JARID2: variants seen among roughly 807,000 people sequenced by gnomAD.
JARID2 encodes jumonji and AT-rich interaction domain containing 2, also known as protein Jumonji.
A neutral mutation model predicts 125.6 loss-of-function variants in JARID2; 21 were observed. The ratio of observed to expected loss-of-function variants is 0.17; its 90% CI spans 0.12 to 0.24. JARID2 has a LOEUF of 0.24. Among genes scored for constraint, JARID2 ranks in the 10% least tolerant of loss-of-function variants. JARID2 has a pLI of 1.00. For synonymous variants in JARID2, 736 were observed against 661.6 expected, an observed-to-expected ratio of 1.11 and a Z score of -1.73; for missense variants, 1,303 against 1,639.6, an observed-to-expected ratio of 0.79 and a Z score of 3.55.
At chr6:15,507,718 T>A (rs1193978332) in intron 11 of JARID2, among the ~76,000 whole-genome samples, 1 of 152,220 alleles carries the variant, frequency 6.6e-6, no homozygotes, top group African/African-American at 2.4e-5. Flanking sequence ...TCCTTAAGGC[T>A]ACTGCAGGCT....
chr6:15,263,700 C>T (rs902043547), intron 1 of JARID2, among the ~76,000 whole-genome samples: 2 of 150,766 alleles, frequency 1.3e-5, no homozygotes, highest in Non-Finnish European at 2.9e-5. Context: ...TCAAGTGATT[C>T]TCCTGCCTCA....
At chr6:15,399,213 CAGCCTTCT>C (rs1765331158) in intron 2 of JARID2, among the ~76,000 whole-genome samples, 1 of 152,160 alleles carries the variant, frequency 6.6e-6, no homozygotes, top group Non-Finnish European at 1.5e-5. Context: ...ACCTCTTCTC[CAGCCTTCT>C]ATGTTCTGTA....
chr6:15,282,738 A>C (rs570150988), intron 1 of JARID2, among the ~76,000 whole-genome samples: 13 of 152,016 alleles, frequency 8.6e-5, no homozygotes, highest in African/African-American at 3.1e-4. Context: ...AGTAGCTGAG[A>C]TTACAGGCAT....
intron 1 of JARID2, among the ~76,000 whole-genome samples, chr6:15,308,711 ACT>A (rs1483529019): frequency 6.6e-6 from 1 of 152,108 alleles, no homozygotes; most frequent in Non-Finnish European, 1.5e-5. Context: ...GATAAGCCAG[ACT>A]CTCCCTACTT....
chr6:15,276,502 G>A (rs569191777), intron 1 of JARID2, among the ~76,000 whole-genome samples: 2 of 152,292 alleles, frequency 1.3e-5, no homozygotes, highest in South Asian at 2.1e-4. Flanking sequence ...GCTGTTTGGA[G>A]GTAAAAGTTT....
chr6:15,514,052 C>T (rs1200052678), intron 16 of JARID2, among the ~76,000 whole-genome samples: 4 of 152,250 alleles, frequency 2.6e-5, no homozygotes, highest in African/African-American at 7.2e-5. Flanking sequence ...CTGCTGGCTT[C>T]CTCGTGCCCA....
intron 1 of JARID2, among the ~76,000 whole-genome samples, chr6:15,290,020 G>C (rs564379875): frequency 6.6e-6 from 1 of 152,066 alleles, no homozygotes; most frequent in South Asian, 2.1e-4. Context: ...CTGTATAATT[G>C]ACAGTCAAAT....
At chr6:15,417,498 G>T (rs1465397850) in intron 3 of JARID2, among the ~76,000 whole-genome samples, 3 of 152,196 alleles carry the variant, frequency 2.0e-5, no homozygotes, top group African/African-American at 7.2e-5. Flanking sequence ...AGCACTTTGG[G>T]AGGCTGAGGC....
chr6:15,504,743 A>G (rs1262532086), intron 9 of JARID2, 151 bp downstream of exon 9: 1 of 606,718 alleles, frequency 1.6e-6, no homozygotes, highest in Non-Finnish European at 3.0e-6. Context: ...AGCGTGCACC[A>G]GGGCAGCCAA....
chr6:15,292,220 A>G (rs1472290659), intron 1 of JARID2, among the ~76,000 whole-genome samples: 1 of 151,404 alleles, frequency 6.6e-6, no homozygotes, highest in Non-Finnish European at 1.5e-5. Flanking sequence ...ACGGGGTTTC[A>G]CTGTGTTAGC....
At chr6:15,348,805 T>G (rs1272290949) in intron 1 of JARID2, among the ~76,000 whole-genome samples, 1 of 152,140 alleles carries the variant, frequency 6.6e-6, no homozygotes, top group African/African-American at 2.4e-5. Flanking sequence ...CTAACCAGAG[T>G]AGGCTTTGCT....
intron 5 of JARID2, among the ~76,000 whole-genome samples, chr6:15,475,779 CT>C (rs1430407686): frequency 1.3e-5 from 2 of 152,186 alleles, no homozygotes; most frequent in African/African-American, 4.8e-5. Context: ...CTCCTCACAC[CT>C]CAGTTTTACT....
At chr6:15,299,265 A>C (rs1761520991) in intron 1 of JARID2, among the ~76,000 whole-genome samples, 1 of 152,134 alleles carries the variant, frequency 6.6e-6, no homozygotes, top group Non-Finnish European at 1.5e-5. Flanking sequence ...TGCTGCCACC[A>C]CCTAATTTGT....
chr6:15,513,510 T>C, intron 16 of JARID2, 88 bp downstream of exon 16: 2 of 1,305,858 alleles, frequency 1.5e-6, no homozygotes, highest in Non-Finnish European at 2.1e-6. Flanking sequence ...GAGGGCGCTC[T>C]CTGCCCAGGA....
intron 3 of JARID2, among the ~76,000 whole-genome samples, chr6:15,421,711 C>T (rs955508582): frequency 6.6e-6 from 1 of 152,180 alleles, no homozygotes; most frequent in Non-Finnish European, 1.5e-5. Flanking sequence ...TGGATCTAAG[C>T]TTTCACATCT....
intron 4 of JARID2, among the ~76,000 whole-genome samples, chr6:15,464,577 AC>A (rs1768619092): frequency 6.6e-6 from 1 of 151,988 alleles, no homozygotes; most frequent in South Asian, 2.1e-4. Context: ...CTTGTGGGGT[AC>A]CCCCCAGTGA....
Position 15,376,252 on chromosome 6 carries a change from C to T in JARID2, c.181+2000C>T, listed in dbSNP as rs568416337. Among the ~76,000 whole-genome samples the T allele has an allele frequency of 2.4e-4, 36 of 152,290 alleles. No individual in the cohort carries two copies. The South Asian group carries it at 6.0e-3, about 25-fold the overall frequency. ...TCTTTTAAAAAATACAGAGACACCT[C>T]GGCTTCTCTTTGGGTTGTGAAATTG... On this transcript the variant is annotated intron_variant, in intron 2 of 17. Transcript: ENST00000341776.
chr6:15,468,518 GA>G (rs1768856849), intron 4 of JARID2, 23 bp from the exon 5 acceptor site: 6 of 1,602,260 alleles, frequency 3.7e-6, no homozygotes, highest in Middle Eastern at 1.7e-4. Flanking sequence ...CTGTGTTTAT[GA>G]GCTGTTTTTC....
chr6:15,452,015 G>T lies in JARID2; in HGVS notation c.333G>T (p.Leu111=). 1.2e-6 allele frequency: 2 copies of T among 1,613,302 alleles called. No homozygotes were observed. Among genetic ancestry groups the T allele is most frequent in the South Asian group, 2.2e-5 (2 of 90,890 alleles). The change falls in exon 4 of 18, where the codon CTG becomes CTT. Residue 111 remains leucine (L), a synonymous_variant. Coordinates refer to ENST00000341776, the MANE Select transcript of JARID2 (RefSeq NM_004973.4). ...EEGPSRKRPR[L]QAQRKFAQSQ... is the part of the protein sequence containing the mutation. The stretch of plus-strand genomic sequence containing the variant: ...TCTTTTGCTTTTGCAGGCCCAGGCT[G>T]CAAGCACAAAGGAAGTTTGCTCAGT...
Sources: allele counts gnomAD v4.1 joint callset (sites outside exome capture counted in the v4.1 genomes callset), GRCh38; gene constraint gnomAD v4.1.1; transcripts MANE v1.5; gene names NCBI Gene and HGNC (gene_info 2026-07-23, HGNC 2026-07-21).